CLNK: variants seen among roughly 807,000 people sequenced by gnomAD.
The protein encoded by CLNK is cytokine dependent hematopoietic cell linker.
In CLNK, 74 loss-of-function variants were observed where a neutral mutation model predicts 68.6. The ratio of observed to expected loss-of-function variants is 1.08; its 90% CI spans 0.89 to 1.31. The LOEUF is 1.31. CLNK is among the 50% of genes most tolerant of loss of function. The pLI, the probability that CLNK is intolerant of heterozygous loss-of-function variation, is 0.00. For missense variants in CLNK, 553 were observed against 515.3 expected, an observed-to-expected ratio of 1.07 and a Z score of -0.71; for synonymous variants, 198 against 172.2, an observed-to-expected ratio of 1.15 and a Z score of -1.17.
At chr4:10,551,290 G>A (rs61795090) in intron 8 of CLNK, among the ~76,000 whole-genome samples, 6,009 of 152,122 alleles carry the variant, frequency 0.04, 177 homozygotes, top group Middle Eastern at 0.092. Context: ...CGTTGCCCAC[G>A]CTGGAGTGCA....
chr4:10,670,299 G>A (rs2108895366), intron 1 of CLNK, among the ~76,000 whole-genome samples: 1 of 152,302 alleles, frequency 6.6e-6, no homozygotes. Flanking sequence ...TAAATTACTT[G>A]ATTACAGTCA....
intron 17 of CLNK, among the ~76,000 whole-genome samples, chr4:10,505,726 T>A (rs929385694): frequency 4.6e-5 from 7 of 152,174 alleles, no homozygotes; most frequent in Non-Finnish European, 2.9e-5. Context: ...AGGACCTTTG[T>A]GATTATACTG....
the CLNK span, among the ~76,000 whole-genome samples, chr4:10,730,667 C>T: frequency 6.6e-6 from 1 of 152,154 alleles, no homozygotes; most frequent in Non-Finnish European, 1.5e-5. Flanking sequence ...AAAAACCCAA[C>T]CGATCAAAAT....
At chr4:10,574,378 C>T (rs1720471409) in intron 4 of CLNK, among the ~76,000 whole-genome samples, 1 of 152,202 alleles carries the variant, frequency 6.6e-6, no homozygotes, top group Non-Finnish European at 1.5e-5. Context: ...CCAATTTTTG[C>T]AAGACTCCTG....
At chr4:10,669,752 A>G (rs1036033947) in intron 1 of CLNK, among the ~76,000 whole-genome samples, 1 of 152,064 alleles carries the variant, frequency 6.6e-6, no homozygotes, top group Non-Finnish European at 1.5e-5. Context: ...GCCCTCACCC[A>G]CCAGCCTCAT....
chr4:10,508,016 C>T lies in CLNK; in HGVS notation c.927G>A (p.Trp309Ter). ...SDRKDVQHNE[W>*]YIGEYSRQAV... The stretch of plus-strand genomic sequence containing the variant: ...CCTGGCGGCTGTATTCTCCAATGTA[C>T]CATTCATTGTGCTGGACATCCTGCA... The change falls in exon 17 of 19, where the codon TGG becomes TGA. Residue 309 changes from tryptophan (W) to a stop codon, truncating the protein, a stop_gained. Transcript: ENST00000226951. LOFTEE classifies it high-confidence loss of function. The T allele has an allele frequency of 1.9e-6, 3 of 1,611,094 alleles. No homozygotes were observed. Among genetic ancestry groups the T allele is most frequent in the African/African-American group, 2.7e-5 (2 of 75,014 alleles).
chr4:10,546,287 T>G (rs188681553), intron 8 of CLNK, among the ~76,000 whole-genome samples: 1 of 152,230 alleles, frequency 6.6e-6, no homozygotes, highest in African/African-American at 2.4e-5. Context: ...GAAATATCAA[T>G]GTAAGTTGCC....
chr4:10,567,426 C>A (rs1720165733), intron 5 of CLNK, among the ~76,000 whole-genome samples: 1 of 152,092 alleles, frequency 6.6e-6, no homozygotes, highest in Non-Finnish European at 1.5e-5. Flanking sequence ...ATATCATATG[C>A]AAAAATTAAG....
At chr4:10,709,056 T>C in the CLNK span, among the ~76,000 whole-genome samples, 1 of 152,226 alleles carries the variant, frequency 6.6e-6, no homozygotes, top group Admixed American at 6.5e-5. Flanking sequence ...ACTCACTTAA[T>C]CATTTTAATA....
chr4:10,595,121 A>G (rs1721338016), intron 3 of CLNK, among the ~76,000 whole-genome samples: 1 of 152,076 alleles, frequency 6.6e-6, no homozygotes, highest in Non-Finnish European at 1.5e-5. Flanking sequence ...CAAAACAAAA[A>G]CCCAGAAATG....
upstream of CLNK, among the ~76,000 whole-genome samples, chr4:10,687,893 G>C (rs1344346933): frequency 6.6e-6 from 1 of 152,060 alleles, no homozygotes; most frequent in Admixed American, 6.6e-5. Context: ...TAGTTTATTG[G>C]GTTCATGGAT....
At chr4:10,648,226 C>G (rs1415474292) in intron 2 of CLNK, among the ~76,000 whole-genome samples, 1 of 152,182 alleles carries the variant, frequency 6.6e-6, no homozygotes, top group Admixed American at 6.5e-5. Context: ...TGTACTATCT[C>G]AAGTGGCATC....
intron 3 of CLNK, among the ~76,000 whole-genome samples, chr4:10,596,791 G>GA (rs1407851677): frequency 1.3e-5 from 2 of 151,988 alleles, no homozygotes; most frequent in Non-Finnish European, 2.9e-5. Context: ...ATTTGCTTCA[G>GA]AAAAAAGCAC....
Position 10,537,243 on chromosome 4 carries a change from C to T in CLNK, c.602+3251G>A, listed in dbSNP as rs961126768. ...CTGTAATCCCAGCACTTTGGGAGGC[C>T]AAGGCGGGTGGATCACCTGAGGTCA... On this transcript the variant is annotated intron_variant, in intron 11 of 18. Coordinates refer to ENST00000226951, the MANE Select transcript of CLNK (RefSeq NM_052964.4). Among the ~76,000 whole-genome samples, 3 of 152,128 alleles carry T rather than the reference C, an allele frequency of 2.0e-5. No individual in the cohort carries two copies. The East Asian group carries it at 5.8e-4, about 29-fold the overall frequency.
At chr4:10,700,380 G>T in the CLNK span, among the ~76,000 whole-genome samples, 1 of 152,156 alleles carries the variant, frequency 6.6e-6, no homozygotes, top group African/African-American at 2.4e-5. Flanking sequence ...TAACTCCAAA[G>T]CCAAATATAT....
intron 6 of CLNK, 62 bp from the exon 7 acceptor site, chr4:10,564,839 A>C: frequency 2.0e-6 from 2 of 1,012,792 alleles, no homozygotes; most frequent in Non-Finnish European, 3.1e-6. Context: ...TACAATTTAC[A>C]AAGTATTTGC....
intron 11 of CLNK, among the ~76,000 whole-genome samples, chr4:10,537,649 TTC>T (rs1395977911): frequency 4.1e-5 from 2 of 48,358 alleles, no homozygotes; most frequent in East Asian, 5.8e-4. Flanking sequence ...CTTTCTTTCT[TTC>T]TTTCTTTCTT....
At chr4:10,657,809 GCTT>G (rs1020150164) in intron 2 of CLNK, among the ~76,000 whole-genome samples, 5 of 152,192 alleles carry the variant, frequency 3.3e-5, no homozygotes, top group Non-Finnish European at 5.9e-5. Context: ...TTGCACTGCA[GCTT>G]CTTCTTCTCC....
intron 2 of CLNK, among the ~76,000 whole-genome samples, chr4:10,609,079 C>T (rs1319544891): frequency 1.3e-5 from 2 of 152,210 alleles, no homozygotes; most frequent in Non-Finnish European, 2.9e-5. Context: ...TCATAACAGG[C>T]CTGGGTCACG....
Sources: gnomAD v4.1 joint callset for allele counts (sites outside exome capture counted in the v4.1 genomes callset) on GRCh38, gnomAD v4.1.1 for gene constraint, MANE v1.5 for transcripts, NCBI Gene and HGNC (gene_info 2026-07-23, HGNC 2026-07-21) for gene names.